PPIL2: variants seen among roughly 807,000 people sequenced by gnomAD.
PPIL2 encodes peptidylprolyl isomerase like 2, also known as RING-type E3 ubiquitin-protein ligase PPIL2.
Under a neutral mutation model 75.2 loss-of-function variants are expected in PPIL2, and 50 were observed. That is an observed-to-expected ratio of 0.66 (90% CI 0.53 to 0.84). The LOEUF (loss-of-function observed/expected upper bound fraction) is 0.84, where lower values mean the gene tolerates loss of function less well. PPIL2 is among the 40% of genes least tolerant of loss of function. The pLI is 0.00. For synonymous variants in PPIL2, 245 were observed against 258.8 expected (o/e 0.95, Z 0.51); for missense variants, 590 against 685.0 (o/e 0.86, Z 1.55).
At chr22:21,676,307 T>TGTGTGTGTGTGTG (rs1555894882) in intron 6 of PPIL2, among the ~76,000 whole-genome samples, 1 of 36,666 alleles carries the variant, frequency 2.7e-5, no homozygotes, top group African/African-American at 8.7e-5. Flanking sequence ...TATTTATTTA[T>TGTGTGTGTGTGTG]TTTGTGTGTG....
chr22:21,682,399 G>T, intron 7 of PPIL2, 38 bp from the exon 8 acceptor site: 1 of 1,564,608 alleles, frequency 6.4e-7, no homozygotes, highest in Non-Finnish European at 8.8e-7. Context: ...GCCAAGGCTT[G>T]GGGCAGGCAT....
chr22:21,680,778 C>T (rs1478994092), intron 6 of PPIL2, among the ~76,000 whole-genome samples: 2 of 131,176 alleles, frequency 1.5e-5, no homozygotes, highest in African/African-American at 5.9e-5. Flanking sequence ...TGCAGTGAGC[C>T]GAGATTGTGC....
chr22:21,681,182 C>A, intron 6 of PPIL2, 117 bp from the exon 7 acceptor site: 1 of 797,318 alleles, frequency 1.3e-6, no homozygotes, highest in Non-Finnish European at 2.1e-6. Flanking sequence ...CATGGGGTTC[C>A]ACCTCCTCCC....
At chr22:21,668,647 TAAATA>T (rs2066489918) in intron 1 of PPIL2, among the ~76,000 whole-genome samples, 1 of 148,722 alleles carries the variant, frequency 6.7e-6, no homozygotes, top group African/African-American at 2.5e-5. Flanking sequence ...ATAAATAAAA[TAAATA>T]AAAATAAAGA....
rs151267288 is a variant in PPIL2 at position 21,681,405 on chromosome 22, C to T, written c.387+15C>T. On this transcript the variant is annotated intron_variant, in intron 7 of 19. Transcript: ENST00000398831. ...ACGCCTATGAGGTGTGTCCTCGCTCCGGGGCGTGGAGACAGCGGTGGGGAG... is the reference window on the plus strand; with the variant it reads ...ACGCCTATGAGGTGTGTCCTCGCTCTGGGGCGTGGAGACAGCGGTGGGGAG... 259 of 1,599,710 alleles carry T rather than the reference C, an allele frequency of 1.6e-4. No individual in the cohort carries two copies. In the African/African-American group the frequency reaches 1.8e-3, roughly 11 times the overall value.
intron 15 of PPIL2, among the ~76,000 whole-genome samples, chr22:21,689,228 G>A (rs1241685922): frequency 6.6e-6 from 1 of 152,214 alleles, no homozygotes; most frequent in East Asian, 1.9e-4. Flanking sequence ...GACACAGGAG[G>A]TCTGGCCCTG....
At chr22:21,684,468 A>AAG (rs2067265277) in intron 9 of PPIL2, among the ~76,000 whole-genome samples, 1 of 147,032 alleles carries the variant, frequency 6.8e-6, no homozygotes, top group African/African-American at 2.6e-5. Flanking sequence ...AAAAAAAAAA[A>AAG]AAAAAAAGAA....
downstream of PPIL2, chr22:21,698,330 A>AGAC (rs2148590379): frequency 6.6e-6 from 1 of 152,444 alleles, no homozygotes; most frequent in South Asian, 2.1e-4. Flanking sequence ...CCGTCACAAA[A>AGAC]GACAGTACAA....
rs939093104 is a variant in PPIL2, at chr22:21,696,180, G to A, written c.*690G>A. The A allele has an allele frequency of 6.0e-6, 6 of 1,001,282 alleles. No individual in the cohort carries two copies. In the Admixed American group the frequency reaches 1.6e-4, roughly 26 times the overall value. 62.0% of individuals were successfully genotyped at this position (1,001,282 alleles called of 1,614,324 possible). A position where few individuals can be genotyped will look rare whatever the true frequency, so the allele number is the denominator to read the frequency against. ...AAACTTCAGGGGCTTCTGAAGGCTG[G>A]TGTTGGACGGCAGCATTGAGTTTCC... On this transcript the variant is annotated 3_prime_UTR_variant, in exon 20 of 20. Coordinates refer to ENST00000398831, the MANE Select transcript of PPIL2 (RefSeq NM_014337.4).
chr22:21,672,218 C>T, intron 4 of PPIL2, 112 bp from the exon 5 acceptor site: 1 of 857,390 alleles, frequency 1.2e-6, no homozygotes. Flanking sequence ...TAAAGTGAAG[C>T]AAGACCCCTT....
chr22:21,669,239 G>T (rs2066527678), intron 1 of PPIL2: 1 of 300,912 alleles, frequency 3.3e-6, no homozygotes, highest in African/African-American at 2.2e-5. Context: ...ACAGCTCACT[G>T]CAGCCTCAAC....
At chr22:21,674,001 C>T (rs1429881827) in intron 5 of PPIL2, among the ~76,000 whole-genome samples, 3 of 152,184 alleles carry the variant, frequency 2.0e-5, no homozygotes, top group South Asian at 2.1e-4. Flanking sequence ...GGAGCAGATG[C>T]GGTCAGTTGG....
intron 6 of PPIL2, among the ~76,000 whole-genome samples, chr22:21,679,883 C>G (rs574077776): frequency 6.6e-6 from 1 of 151,044 alleles, no homozygotes; most frequent in East Asian, 2.0e-4. Context: ...ATCAGGAGAT[C>G]GAGACCATCC....
At position 21,695,679 on chromosome 22, in the gene PPIL2, C is replaced by G; in HGVS notation, c.*189C>G. On this transcript the variant is annotated 3_prime_UTR_variant, in exon 20 of 20. Transcript: ENST00000398831. The stretch of plus-strand genomic sequence containing the variant: ...CATCCCTTAACCTGTTGCCAAGGGC[C>G]TTGGCCCTGTTTCCAGGACCTGGCC... 2 of 1,397,830 alleles carry G rather than the reference C, an allele frequency of 1.4e-6. No homozygotes were observed. Among genetic ancestry groups the G allele is most frequent in the Non-Finnish European group, 1.9e-6 (2 of 1,076,048 alleles). 86.6% of individuals were successfully genotyped at this position (1,397,830 alleles called of 1,614,324 possible).
chr22:21,672,144 G>T (rs2066657440), intron 4 of PPIL2, among the ~76,000 whole-genome samples, 186 bp from the exon 5 acceptor site: 1 of 152,098 alleles, frequency 6.6e-6, no homozygotes, highest in Non-Finnish European at 1.5e-5. Flanking sequence ...AACATATTTT[G>T]AAACCTATGT....
intron 6 of PPIL2, among the ~76,000 whole-genome samples, chr22:21,680,829 C>CAAAAAAAA (rs762340467): frequency 9.8e-5 from 5 of 50,816 alleles, no homozygotes; most frequent in African/African-American, 1.7e-4. Flanking sequence ...GACTCCATCT[C>CAAAAAAAA]AAAAAAAAAA....
At position 21,697,108 on chromosome 22, in the gene PPIL2, C is replaced by A; in HGVS notation, c.*1618C>A. The A allele has an allele frequency of 1.9e-6, 2 of 1,041,280 alleles. No homozygotes were observed. Among genetic ancestry groups the A allele is most frequent in the Non-Finnish European group, 2.8e-6 (2 of 725,442 alleles). The allele number at this position is 1,041,280 out of a possible 1,614,324, so 64.5% of individuals were successfully genotyped here. ...TCCATCCCTCCCGCCAGGCACTGTC[C>A]TCCGCAAGGCCTGGTGCAGCCCTGG... is the stretch of plus-strand genomic sequence containing the variant. On this transcript the variant is annotated 3_prime_UTR_variant, in exon 20 of 20. Transcript: ENST00000398831.
chr22:21,694,965 A>C lies in PPIL2; in HGVS notation c.1361A>C (p.Lys454Thr), dbSNP rs761916175. ...QIAQERKTQL[K>T]VAPETKVKSS... is the part of the protein sequence containing the mutation. ...GCGCAGGAGCGGAAGACACAGCTCA[A>C]GGTAGCCCCGGAGACCAAAGTGAAG... The change falls in exon 19 of 20, where the codon AAG (lysine) becomes ACG (threonine). Residue 454 changes from lysine to threonine, a missense_variant. Lys to Thr is a moderately conservative substitution (Grantham distance 78). Coordinates refer to ENST00000398831, the MANE Select transcript of PPIL2 (RefSeq NM_014337.4). The C allele has an allele frequency of 1.9e-6, 3 of 1,613,784 alleles. No individual in the cohort carries two copies. The highest frequency in any genetic ancestry group is 2.2e-5 in the South Asian group (2 of 91,084).
chr22:21,671,507 G>C (rs2066632951), intron 4 of PPIL2, among the ~76,000 whole-genome samples: 1 of 152,160 alleles, frequency 6.6e-6, no homozygotes, highest in Non-Finnish European at 1.5e-5. Context: ...TATTCACTTG[G>C]TTGTGATGAG....
Sources: allele counts gnomAD v4.1 joint callset (sites outside exome capture counted in the v4.1 genomes callset), GRCh38; gene constraint gnomAD v4.1.1; transcripts MANE v1.5; gene names NCBI Gene and HGNC (gene_info 2026-07-23, HGNC 2026-07-21).